INVS: variants seen among roughly 807,000 people sequenced by gnomAD.
INVS encodes the protein inversion of embryo turning homolog.
Under a neutral mutation model 108.8 loss-of-function variants are expected in INVS, and 86 were observed. That is an observed-to-expected ratio of 0.79 (90% CI 0.66 to 0.95). The LOEUF (loss-of-function observed/expected upper bound fraction) is 0.95. Among genes scored for constraint, INVS ranks in the 40% least tolerant of loss-of-function variants. The probability of loss-of-function intolerance (pLI) is 0.00; values close to 1 mark genes in which losing one functional copy is unlikely to be tolerated. For missense variants in INVS, 1,169 were observed against 1,297.4 expected, an observed-to-expected ratio of 0.90 and a Z score of 1.52; for synonymous variants, 455 against 473.5, an observed-to-expected ratio of 0.96 and a Z score of 0.51.
intron 2 of INVS, chr9:100,116,709 AT>A (rs1564119367): frequency 1.6e-6 from 1 of 626,000 alleles, no homozygotes; most frequent in Non-Finnish European, 2.3e-6. Flanking sequence ...TTTATTTTTT[AT>A]TTTTTTAACA....
At chr9:100,246,118 A>C (rs1832038245) in intron 7 of INVS, among the ~76,000 whole-genome samples, 1 of 151,570 alleles carries the variant, frequency 6.6e-6, no homozygotes, top group African/African-American at 2.4e-5. Flanking sequence ...GCACCACTGC[A>C]CTCCAACCTG....
intron 12 of INVS, among the ~76,000 whole-genome samples, chr9:100,280,200 C>T (rs922736436): frequency 1.1e-4 from 17 of 152,144 alleles, no homozygotes; most frequent in African/African-American, 4.1e-4. Context: ...ATCTCTGCCC[C>T]ACAATAGCCC....
At chr9:100,247,672 T>TA (rs10559514) in intron 8 of INVS, among the ~76,000 whole-genome samples, 17 of 151,554 alleles carry the variant, frequency 1.1e-4, no homozygotes, top group African/African-American at 3.6e-4. Context: ...TTGCTTTACT[T>TA]AAAAAAATCT....
chr9:100,192,352 C>T lies in INVS; in HGVS notation c.274-33710C>T, dbSNP rs550901221. 7.4e-4 allele frequency among the ~76,000 whole-genome samples: 112 copies of T among 151,186 alleles called. No individual in the cohort carries two copies. In the South Asian group the frequency reaches 0.017, roughly 23 times the overall value. ...TTCACTCAATATTTTTGAGATTTAT[C>T]CATATTGTTGCACATATCATAGCTT... On this transcript the variant is annotated intron_variant, in intron 3 of 16. Coordinates refer to ENST00000262457, the MANE Select transcript of INVS (RefSeq NM_014425.5).
At chr9:100,216,916 C>CCA (rs1042881970) in intron 3 of INVS, among the ~76,000 whole-genome samples, 4 of 152,162 alleles carry the variant, frequency 2.6e-5, no homozygotes, top group African/African-American at 9.7e-5. Flanking sequence ...TTAACCTTGC[C>CCA]CACCACCTGG....
chr9:100,178,498 AGTATCAATAGCT>A (rs1191713434), intron 3 of INVS, among the ~76,000 whole-genome samples: 1 of 152,230 alleles, frequency 6.6e-6, no homozygotes, highest in Non-Finnish European at 1.5e-5. Flanking sequence ...AGCACACGCA[AGTATCAATAGCT>A]GAATCAATCA....
intron 10 of INVS, among the ~76,000 whole-genome samples, chr9:100,257,523 C>A (rs1460906484): frequency 1.3e-5 from 2 of 152,168 alleles, no homozygotes; most frequent in African/African-American, 4.8e-5. Flanking sequence ...TACAATTTGG[C>A]ATGCTTTTGT....
intron 12 of INVS, among the ~76,000 whole-genome samples, chr9:100,275,363 G>A (rs1225555915): frequency 6.6e-6 from 1 of 152,098 alleles, no homozygotes; most frequent in Non-Finnish European, 1.5e-5. Flanking sequence ...AAAATTTGTA[G>A]TCATACCTAC....
chr9:100,165,616 T>G (rs1382780593), intron 3 of INVS, among the ~76,000 whole-genome samples: 1 of 152,178 alleles, frequency 6.6e-6, no homozygotes, highest in East Asian at 1.9e-4. Flanking sequence ...TTTTTTTCAT[T>G]TTTAATATCA....
chr9:100,180,175 C>A (rs1330582292), intron 3 of INVS, among the ~76,000 whole-genome samples: 1 of 152,092 alleles, frequency 6.6e-6, no homozygotes, highest in Non-Finnish European at 1.5e-5. Flanking sequence ...TAAATGCCCA[C>A]AGGAGAAAGT....
intron 5 of INVS, among the ~76,000 whole-genome samples, chr9:100,235,798 C>T (rs1831671181): frequency 1.3e-5 from 2 of 152,156 alleles, no homozygotes; most frequent in Non-Finnish European, 2.9e-5. Flanking sequence ...CGCCCCTTAA[C>T]ATTTTTTTCT....
At chr9:100,112,295 C>G (rs1467449394) in intron 2 of INVS, among the ~76,000 whole-genome samples, 2 of 152,162 alleles carry the variant, frequency 1.3e-5, no homozygotes, top group African/African-American at 4.8e-5. Flanking sequence ...TTTCAATTTC[C>G]TCAAATAGAC....
chr9:100,275,182 C>T (rs76497891), intron 12 of INVS, among the ~76,000 whole-genome samples: 1 of 152,148 alleles, frequency 6.6e-6, no homozygotes, highest in Admixed American at 6.5e-5. Flanking sequence ...CCTCTTTTTC[C>T]AGCCTTCTTA....
In INVS at chr9:100,226,203, C is replaced by G. The variant is rs1831314520; in HGVS notation, c.415C>G (p.Pro139Ala). ...CLALLLKFMA[P>A]GEVDTQDKNK... is the part of the protein sequence containing the mutation. The stretch of plus-strand genomic sequence containing the variant: ...GGCACTTCTGCTGAAGTTTATGGCA[C>G]CAGGAGAAGTGGATACACAGGATAA... Residue 139 changes from proline (P) to alanine (A), a missense_variant, in exon 4 of 17, where the codon CCA (proline) becomes GCA (alanine). Around this residue, in one of 3 missense-constraint regions of INVS, gnomAD observed 365 missense variants for 397.5 expected, o/e 0.92. Coordinates refer to ENST00000262457, the MANE Select transcript of INVS (RefSeq NM_014425.5). 8.7e-6 allele frequency: 14 copies of G among 1,613,790 alleles called. No individual in the cohort carries two copies. Among genetic ancestry groups the G allele is most frequent in the African/African-American group, 1.3e-5 (1 of 74,858 alleles).
chr9:100,183,558 T>A lies in INVS; in HGVS notation c.274-42504T>A, dbSNP rs539024820. 2.5e-3 allele frequency among the ~76,000 whole-genome samples: 377 copies of A among 152,202 alleles called. 1 individual carries two copies. Among genetic ancestry groups the A allele is most frequent in the African/African-American group, 8.7e-3 (360 of 41,548 alleles). ...CTGTAATCCCAGCACTTTGGGAGAC[T>A]GAGGAGGGCAGATCACCTGAGCTCA... On this transcript the variant is annotated intron_variant, in intron 3 of 16. Coordinates refer to ENST00000262457, the MANE Select transcript of INVS (RefSeq NM_014425.5).
At chr9:100,165,871 T>C (rs1245674520) in intron 3 of INVS, among the ~76,000 whole-genome samples, 1 of 152,158 alleles carries the variant, frequency 6.6e-6, no homozygotes, top group Admixed American at 6.5e-5. Context: ...ATCAGCTATT[T>C]CTCCAATAGC....
rs541755531 is a variant in INVS at position 100,212,481 on chromosome 9, A to G, written c.274-13581A>G. On this transcript the variant is annotated intron_variant, in intron 3 of 16. Transcript: ENST00000262457. ...TCTTCTAATGTTCAGGTCTATATGT[A>G]TCTGCCCCTCCCCAACAACCTTTTC... is the stretch of plus-strand genomic sequence containing the variant. Among the ~76,000 whole-genome samples, 92 of 152,166 alleles carry G rather than the reference A, an allele frequency of 6.0e-4. No individual in the cohort carries two copies. In the South Asian group the frequency reaches 0.018, roughly 31 times the overall value.
At chr9:100,295,882 CTG>C (rs1833774716) in intron 14 of INVS, among the ~76,000 whole-genome samples, 3 of 152,266 alleles carry the variant, frequency 2.0e-5, no homozygotes, top group African/African-American at 7.2e-5. Flanking sequence ...ACAGGAGAAA[CTG>C]AATTATAGCG....
Position 100,302,062 on chromosome 9 carries a change from CA to C in INVS, c.*1391del. 1 of 559,400 alleles carries C rather than the reference CA, an allele frequency of 1.8e-6. No homozygotes were observed. Among genetic ancestry groups the C allele is most frequent in the South Asian group, 4.1e-5 (1 of 24,328 alleles). The allele number at this position is 559,400 out of a possible 1,614,324, so 34.7% of individuals were successfully genotyped here. A position where few individuals can be genotyped will look rare whatever the true frequency, so the allele number is the denominator to read the frequency against. ...CAAACATTATTTTCATATATCAGTGCAAAGAAAGAAGGTTCGTAAACTTCTT... is the reference window on the plus strand; with the variant it reads ...CAAACATTATTTTCATATATCAGTGCAAGAAAGAAGGTTCGTAAACTTCTT... On this transcript the variant is annotated 3_prime_UTR_variant, in exon 17 of 17. Transcript: ENST00000262457.
Sources: allele counts gnomAD v4.1 joint callset (sites outside exome capture counted in the v4.1 genomes callset), GRCh38; gene constraint gnomAD v4.1.1; regional missense constraint gnomAD v4.1.1; transcripts MANE v1.5; gene names NCBI Gene and HGNC (gene_info 2026-07-23, HGNC 2026-07-21).